The following TTC21B variants were observed in gnomAD, a reference collection of about 807,000 sequenced individuals.
The protein encoded by TTC21B is tetratricopeptide repeat domain 21B.
TTC21B carries 127 observed loss-of-function variants against 175.1 expected under a neutral mutation model. That is an observed-to-expected ratio of 0.73 (90% CI 0.63 to 0.84). TTC21B has a LOEUF of 0.84. Among genes scored for constraint, TTC21B ranks in the 40% least tolerant of loss-of-function variants. The pLI, the probability that TTC21B is intolerant of heterozygous loss-of-function variation, is 0.00. For synonymous variants in TTC21B, 524 were observed against 524.5 expected, an observed-to-expected ratio of 1.00 and a Z score of 0.01; for missense variants, 1,561 against 1,558.3, an observed-to-expected ratio of 1.00 and a Z score of -0.03.
chr2:165,950,443 A>G (rs1687725415), intron 1 of TTC21B, among the ~76,000 whole-genome samples: 1 of 152,158 alleles, frequency 6.6e-6, no homozygotes. Flanking sequence ...TAACCTCATC[A>G]AAGACAGAAA....
intron 15 of TTC21B, 83 bp from the exon 16 acceptor site, chr2:165,913,729 CTTATT>C: frequency 8.1e-7 from 1 of 1,228,288 alleles, no homozygotes. Flanking sequence ...AATAAGCTCC[CTTATT>C]TTAGTTAGCC....
At position 165,929,562 on chromosome 2, in the gene TTC21B, C is replaced by T. The variant is rs1017380560; in HGVS notation, c.1185+88G>A. The T allele has an allele frequency of 5.9e-6, 6 of 1,010,982 alleles. No individual in the cohort carries two copies. The Admixed American group carries it at 1.2e-4, about 20-fold the overall frequency. The allele number at this position is 1,010,982 out of a possible 1,614,324, so 62.6% of individuals were successfully genotyped here. On this transcript the variant is annotated intron_variant, in intron 10 of 28. Transcript: ENST00000243344. Reference sequence around the variant, plus strand: ...AAAATTAGTGTACACTAGTGCTTTACAGCCATTACAAAACAATAAGACTGA... The same window carrying T: ...AAAATTAGTGTACACTAGTGCTTTATAGCCATTACAAAACAATAAGACTGA...
chr2:165,953,651 G>GCCCACTCA, intron 1 of TTC21B, 34 bp downstream of exon 1: 1 of 1,511,044 alleles, frequency 6.6e-7, no homozygotes, highest in Non-Finnish European at 8.9e-7. Context: ...CCGCCCGCCC[G>GCCCACTCA]CCCGCTCACC....
At chr2:165,936,306 TA>T in intron 6 of TTC21B, among the ~76,000 whole-genome samples, 1 of 152,010 alleles carries the variant, frequency 6.6e-6, no homozygotes. Context: ...TCACAAAAAT[TA>T]ATCTGAAATA....
chr2:165,947,075 G>A (rs1358627216), intron 3 of TTC21B: 1 of 147,806 alleles, frequency 6.8e-6, no homozygotes, highest in Non-Finnish European at 1.5e-5. Context: ...TGGCATAATT[G>A]CTGTTATAGT....
intron 25 of TTC21B, among the ~76,000 whole-genome samples, chr2:165,886,812 T>C (rs1243564080): frequency 2.0e-5 from 3 of 152,210 alleles, no homozygotes; most frequent in Admixed American, 6.5e-5. Context: ...TCAGTAGCTA[T>C]GGCACCTGAC....
Position 165,949,457 on chromosome 2 carries a change from G to T in TTC21B, c.199C>A (p.Gln67Lys), listed in dbSNP as rs561652191. 1.9e-6 allele frequency: 3 copies of T among 1,613,806 alleles called. No individual in the cohort carries two copies. Among genetic ancestry groups the T allele is most frequent in the African/African-American group, 1.3e-5 (1 of 75,028 alleles). Reference protein sequence around the residue: ...LREFEAIKNKQDVSLCSLLAL... With the variant: ...LREFEAIKNKKDVSLCSLLAL... Reference sequence around the variant, plus strand: ...AGTAGAGAACAAAGTGATACATCTTGTTTATTTTTAATAGCCTCAAATTCT... The same window carrying T: ...AGTAGAGAACAAAGTGATACATCTTTTTTATTTTTAATAGCCTCAAATTCT... The change falls in exon 3 of 29, where the codon CAA (glutamine) becomes AAA (lysine). Residue 67 changes from glutamine (Q) to lysine (K), a missense_variant. By Grantham distance (53) the Gln-to-Lys change is moderately conservative. Coordinates refer to ENST00000243344, the MANE Select transcript of TTC21B (RefSeq NM_024753.5).
In TTC21B at chr2:165,907,713, C is replaced by G. The variant is rs542087289; in HGVS notation, c.2533G>C (p.Glu845Gln). 3 of 1,613,066 alleles carry G rather than the reference C, an allele frequency of 1.9e-6. No homozygotes were observed. The African/African-American group carries it at 4.0e-5, about 22-fold the overall frequency. ...GCAGTGATCGCATCACCAAGTTTTT[C>G]CATTTTACTATAAACTTTTGCTAGA... The part of the protein sequence containing the change: ...VLLAKVYSKM[E>Q]KLGDAITALQ... The change falls in exon 19 of 29, where the codon GAA becomes CAA. Residue 845 changes from glutamate to glutamine, a missense_variant. By Grantham distance (29) the Glu-to-Gln change is conservative. Transcript: ENST00000243344.
chr2:165,926,103 T>C (rs1170377622), intron 11 of TTC21B, among the ~76,000 whole-genome samples: 2 of 152,228 alleles, frequency 1.3e-5, no homozygotes, highest in African/African-American at 2.4e-5. Flanking sequence ...AAAGAGACAA[T>C]TCTGCCTTTC....
At chr2:165,887,199 C>T (rs896903228) in intron 25 of TTC21B, among the ~76,000 whole-genome samples, 1 of 152,148 alleles carries the variant, frequency 6.6e-6, no homozygotes, top group African/African-American at 2.4e-5. Flanking sequence ...ACTGTGACTA[C>T]TGAATCACAA....
In TTC21B at chr2:165,874,285, G is replaced by T. The variant is rs1684599117; in HGVS notation, c.*470C>A. On this transcript the variant is annotated 3_prime_UTR_variant, in exon 29 of 29. Coordinates refer to ENST00000243344, the MANE Select transcript of TTC21B (RefSeq NM_024753.5). ...CGCGTAAACCCAGGAGGCGGAGGTT[G>T]CAGTGAGCCAAGATCGTGCCACTGC... 1 of 153,596 alleles carries T rather than the reference G, an allele frequency of 6.5e-6. No homozygotes were observed. Among genetic ancestry groups the T allele is most frequent in the Non-Finnish European group, 1.4e-5 (1 of 69,134 alleles). The allele number at this position is 153,596 out of a possible 1,614,324, so 9.5% of individuals were successfully genotyped here. A position where few individuals can be genotyped will look rare whatever the true frequency, so the allele number is the denominator to read the frequency against.
At chr2:165,943,746 A>C (rs1323585227) in intron 4 of TTC21B, among the ~76,000 whole-genome samples, 3 of 152,166 alleles carry the variant, frequency 2.0e-5, no homozygotes, top group Admixed American at 6.5e-5. Flanking sequence ...ATAACAGAAG[A>C]AGCCTTGCTT....
chr2:165,906,673 G>A (rs547912047), intron 19 of TTC21B, among the ~76,000 whole-genome samples: 1 of 152,020 alleles, frequency 6.6e-6, no homozygotes, highest in Admixed American at 6.6e-5. Flanking sequence ...AGCCGGGTGC[G>A]GTGGCTCACG....
chr2:165,906,053 A>G (rs1007641908), intron 19 of TTC21B, among the ~76,000 whole-genome samples: 1 of 152,114 alleles, frequency 6.6e-6, no homozygotes, highest in Admixed American at 6.5e-5. Flanking sequence ...AGAACTCCAT[A>G]AAAATTCAAT....
intron 17 of TTC21B, 76 bp downstream of exon 17, chr2:165,912,438 G>A: frequency 1.8e-6 from 2 of 1,120,912 alleles, no homozygotes; most frequent in Non-Finnish European, 2.7e-6. Flanking sequence ...TGCAAATGGT[G>A]CTCGCTGAAG....
At chr2:165,915,156 G>A (rs771892384) in intron 15 of TTC21B, 45 bp downstream of exon 15, 1 of 1,503,792 alleles carries the variant, frequency 6.6e-7, no homozygotes, top group Admixed American at 1.7e-5. Flanking sequence ...ATTAATACTA[G>A]TGGCTAAATG....
rs1179957656 is a variant in TTC21B, at chr2:165,924,610, T to C, written c.1455A>G (p.Val485=). ...RRCISVLETV[V]RTVPGLLQTV... ...TTTGCAGAAGACCTGGAACAGTTCT[T>C]ACTACAGTCTCCAGGACTGAGATGC... The change falls in exon 12 of 29, where the codon GTA becomes GTG. Residue 485 remains valine (V), a synonymous_variant. Transcript: ENST00000243344. The C allele has an allele frequency of 9.9e-6, 16 of 1,613,842 alleles. No individual in the cohort carries two copies. The South Asian group carries it at 1.8e-4, about 18-fold the overall frequency.
At chr2:165,941,378 G>A (rs1687362209) in intron 5 of TTC21B, among the ~76,000 whole-genome samples, 194 bp from the exon 6 acceptor site, 1 of 152,068 alleles carries the variant, frequency 6.6e-6, no homozygotes, top group Admixed American at 6.6e-5. Flanking sequence ...AAGCTATTGT[G>A]TTTTAAAATT....
chr2:165,949,293 C>T (rs758841079), intron 3 of TTC21B, 101 bp downstream of exon 3: 6 of 879,020 alleles, frequency 6.8e-6, no homozygotes, highest in African/African-American at 6.7e-5. Context: ...ACAGAAAATA[C>T]ATAATATAGT....
Sources: gnomAD v4.1 joint callset for allele counts (sites outside exome capture counted in the v4.1 genomes callset) on GRCh38, gnomAD v4.1.1 for gene constraint, MANE v1.5 for transcripts, NCBI Gene and HGNC (gene_info 2026-07-23, HGNC 2026-07-21) for gene names.